The following PIGN variants were observed in gnomAD, a reference collection of about 807,000 sequenced individuals.
PIGN encodes phosphatidylinositol glycan anchor biosynthesis class N.
A neutral mutation model predicts 125.4 loss-of-function variants in PIGN; 117 were observed. The observed-to-expected ratio is 0.93, with a 90% CI of 0.80 to 1.09. The LOEUF is 1.09. Among genes scored for constraint, PIGN ranks in the 50% least tolerant of loss-of-function variants. The probability of loss-of-function intolerance (pLI) is 0.00; values close to 1 mark genes in which losing one functional copy is unlikely to be tolerated. For synonymous variants in PIGN, 392 were observed against 377.8 expected (o/e 1.04, Z -0.44); for missense variants, 1,075 against 1,094.9 (o/e 0.98, Z 0.26).
At chr18:62,164,185 AG>A (rs2037050601) in intron 1 of PIGN, among the ~76,000 whole-genome samples, 2 of 152,216 alleles carry the variant, frequency 1.3e-5, no homozygotes, top group African/African-American at 4.8e-5. Context: ...TATTGACCAA[AG>A]GCAGTCATGT....
chr18:62,161,418 A>G lies in PIGN; in HGVS notation c.-32-33T>C, dbSNP rs1332172757. 5 of 917,776 alleles carry G rather than the reference A, an allele frequency of 5.4e-6. No individual in the cohort carries two copies. In the Admixed American group the frequency reaches 8.4e-5, roughly 15 times the overall value. 56.9% of individuals were successfully genotyped at this position (917,776 alleles called of 1,614,324 possible). ...AGAGAACAAAATTAAATTGGGGTAA[A>G]TCTTAATGCATTCATATGTATTTTC... On this transcript the variant is annotated intron_variant, in intron 3 of 30. Transcript: ENST00000640252.
chr18:62,065,449 A>T (rs2032450892), intron 30 of PIGN, among the ~76,000 whole-genome samples: 2 of 152,210 alleles, frequency 1.3e-5, no homozygotes, highest in African/African-American at 4.8e-5. Flanking sequence ...AATTAAAAAG[A>T]CAGGCTTGGC....
exon 24 of PIGN, chr18:62,017,648 T>A (rs2029997311): frequency 6.6e-6 from 1 of 152,126 alleles, no homozygotes. Context: ...AGCTCTGTCC[T>A]CTTTCATCCG....
In PIGN at chr18:62,107,103, A is replaced by T. The variant is rs1381541181; in HGVS notation, c.1575-18T>A. The T allele has an allele frequency of 1.3e-6, 2 of 1,488,992 alleles. No individual in the cohort carries two copies. Among genetic ancestry groups the T allele is most frequent in the Admixed American group, 1.9e-5 (1 of 51,828 alleles). The allele number at this position is 1,488,992 out of a possible 1,614,324, so 92.2% of individuals were successfully genotyped here. On this transcript the variant is annotated intron_variant, in intron 17 of 30. Coordinates refer to ENST00000640252, the MANE Select transcript of PIGN (RefSeq NM_176787.5). ...CTTGAAATCTGTTTCAAATAAAAAG[A>T]CTGATTGAATTTTAAAGTTAGGTCA...
At chr18:62,129,981 G>A (rs868267958) in intron 14 of PIGN, among the ~76,000 whole-genome samples, 2 of 152,102 alleles carry the variant, frequency 1.3e-5, no homozygotes, top group South Asian at 4.1e-4. Flanking sequence ...CCTTGAGAGG[G>A]AGATCTGGAG....
chr18:62,127,125 T>C (rs1440411243), intron 14 of PIGN, among the ~76,000 whole-genome samples: 1 of 152,152 alleles, frequency 6.6e-6, no homozygotes, highest in Non-Finnish European at 1.5e-5. Flanking sequence ...ATTCTGTTAC[T>C]TGGGGGAAGT....
At chr18:62,112,029 C>A (rs144492985) in intron 16 of PIGN, among the ~76,000 whole-genome samples, 2 of 152,150 alleles carry the variant, frequency 1.3e-5, no homozygotes, top group Non-Finnish European at 2.9e-5. Flanking sequence ...AAGTCTCAGT[C>A]CCTCACATGC....
chr18:62,101,684 T>C (rs2034443526), intron 21 of PIGN, among the ~76,000 whole-genome samples: 1 of 152,202 alleles, frequency 6.6e-6, no homozygotes, highest in Non-Finnish European at 1.5e-5. Flanking sequence ...TGTTGTATAT[T>C]TTTATTTCAG....
At chr18:62,074,970 A>G (rs531303837) in intron 28 of PIGN, 149 bp from the exon 29 acceptor site, 1 of 570,414 alleles carries the variant, frequency 1.8e-6, no homozygotes. Flanking sequence ...TTTTCATATT[A>G]TCATGGGTGA....
chr18:62,132,590 C>T (rs980494045), intron 14 of PIGN, among the ~76,000 whole-genome samples: 1 of 151,866 alleles, frequency 6.6e-6, no homozygotes, highest in African/African-American at 2.4e-5. Flanking sequence ...ACCTGCAATC[C>T]CAGCACTTTG....
At chr18:62,069,617 C>A (rs2032723916) in intron 30 of PIGN, 1 of 152,160 alleles carries the variant, frequency 6.6e-6, no homozygotes, top group Admixed American at 6.5e-5. Flanking sequence ...TGTATGATTT[C>A]ATTTATATGA....
intron 23 of PIGN, among the ~76,000 whole-genome samples, chr18:62,022,880 A>G (rs1391140112): frequency 2.0e-5 from 3 of 152,222 alleles, no homozygotes; most frequent in Non-Finnish European, 2.9e-5. Flanking sequence ...AGTCCTTGAT[A>G]TAAAATGACA....
chr18:62,151,780 G>A (rs970580959), intron 7 of PIGN, among the ~76,000 whole-genome samples: 4 of 152,234 alleles, frequency 2.6e-5, no homozygotes, highest in African/African-American at 9.6e-5. Flanking sequence ...GGGAAGGTAA[G>A]AATTGAGGTT....
chr18:62,119,647 C>A (rs2035222033), intron 14 of PIGN, among the ~76,000 whole-genome samples: 1 of 151,960 alleles, frequency 6.6e-6, no homozygotes, highest in Non-Finnish European at 1.5e-5. Context: ...AGTTTGAGAC[C>A]AGCCTGGCCA....
chr18:62,149,120 CTGTAGAAGA>C (rs1172227978), intron 7 of PIGN, among the ~76,000 whole-genome samples: 5 of 152,098 alleles, frequency 3.3e-5, no homozygotes, highest in African/African-American at 9.7e-5. Flanking sequence ...ATGCCTTTAA[CTGTAGAAGA>C]TGTTAACTTT....
At chr18:62,064,794 G>A (rs1257746250) in intron 30 of PIGN, among the ~76,000 whole-genome samples, 1 of 152,032 alleles carries the variant, frequency 6.6e-6, no homozygotes, top group Non-Finnish European at 1.5e-5. Flanking sequence ...TCCCAGGTTT[G>A]GGTAGAAGTT....
At chr18:62,036,156 A>G (rs78400824) in intron 23 of PIGN, among the ~76,000 whole-genome samples, 5,788 of 152,306 alleles carry the variant, frequency 0.038, 367 homozygotes, top group African/African-American at 0.13. Context: ...GTGTGTACAT[A>G]ATTGGCAAGA....
At chr18:62,147,526 T>C (rs1419905448) in intron 8 of PIGN, among the ~76,000 whole-genome samples, 1 of 152,196 alleles carries the variant, frequency 6.6e-6, no homozygotes, top group Non-Finnish European at 1.5e-5. Context: ...TATTTAAGAC[T>C]GCCACACAAC....
At chr18:62,081,495 C>T (rs2033445570) in intron 28 of PIGN, among the ~76,000 whole-genome samples, 1 of 152,110 alleles carries the variant, frequency 6.6e-6, no homozygotes, top group Non-Finnish European at 1.5e-5. Context: ...TTCTGAGCCA[C>T]CTTTGCCTCA....
Sources: allele counts gnomAD v4.1 joint callset (sites outside exome capture counted in the v4.1 genomes callset), GRCh38; gene constraint gnomAD v4.1.1; transcripts MANE v1.5; gene names NCBI Gene and HGNC (gene_info 2026-07-23, HGNC 2026-07-21).